Variants in SCD5 observed in about 807,000 individuals in gnomAD.
The protein encoded by SCD5 is stearoyl-CoA desaturase 5.
Under a neutral mutation model 30.4 loss-of-function variants are expected in SCD5, and 20 were observed. The ratio of observed to expected loss-of-function variants is 0.66; its 90% confidence interval spans 0.46 to 0.96. The LOEUF is 0.96. Among genes scored for constraint, SCD5 ranks in the 40% least tolerant of loss-of-function variants. The pLI is 0.00. For missense variants in SCD5, 381 were observed against 443.3 expected, an observed-to-expected ratio of 0.86 and a Z score of 1.26; for synonymous variants, 173 against 176.4, an observed-to-expected ratio of 0.98 and a Z score of 0.16.
intron 1 of SCD5, among the ~76,000 whole-genome samples, chr4:82,744,120 C>A (rs1055951225): frequency 3.9e-5 from 6 of 152,174 alleles, no homozygotes; most frequent in African/African-American, 1.4e-4. Context: ...GCCATGGCGC[C>A]TGGCTGAAAA....
chr4:82,798,575 G>A lies in SCD5; in HGVS notation c.-38C>T, dbSNP rs1339475989. ...TGGGCGCCCGCAGCAGCGGCAGGCA[G>A]GCAGGCGCTCTGCCCGAGCGGAGCT... is the stretch of plus-strand genomic sequence containing the variant. On this transcript the variant is annotated 5_prime_UTR_variant, in exon 1 of 5. Coordinates refer to ENST00000319540, the MANE Select transcript of SCD5 (RefSeq NM_001037582.3). 1.3e-6 allele frequency: 2 copies of A among 1,523,216 alleles called. No homozygotes were observed. The highest frequency in any genetic ancestry group is 1.3e-5 in the South Asian group (1 of 79,908). The allele number at this position is 1,523,216 out of a possible 1,614,324, so 94.4% of individuals were successfully genotyped here. A position where few individuals can be genotyped will look rare whatever the true frequency, so the allele number is the denominator to read the frequency against.
chr4:82,657,776 G>A (rs921438401), intron 3 of SCD5, among the ~76,000 whole-genome samples: 3 of 152,086 alleles, frequency 2.0e-5, no homozygotes, highest in African/African-American at 7.2e-5. Context: ...TTATTTCCTT[G>A]AACAGTGGTT....
At chr4:82,798,131 C>G (rs898888289) in intron 1 of SCD5, among the ~76,000 whole-genome samples, 175 bp downstream of exon 1, 3 of 151,426 alleles carry the variant, frequency 2.0e-5, no homozygotes, top group Admixed American at 6.6e-5. Flanking sequence ...AACACCTGCC[C>G]GTCCCAAGGG....
intron 1 of SCD5, among the ~76,000 whole-genome samples, chr4:82,768,287 G>C (rs1268582439): frequency 6.6e-6 from 1 of 152,128 alleles, no homozygotes; most frequent in African/African-American, 2.4e-5. Flanking sequence ...AAGTCTGTTT[G>C]GCACTAAACC....
intron 3 of SCD5, among the ~76,000 whole-genome samples, chr4:82,676,603 G>A (rs920643357): frequency 6.6e-6 from 1 of 152,228 alleles, no homozygotes; most frequent in Non-Finnish European, 1.5e-5. Flanking sequence ...ACTGCTATAG[G>A]CTCTAGAAGA....
chr4:82,734,717 C>CT (rs555114086), intron 1 of SCD5, among the ~76,000 whole-genome samples: 47 of 149,530 alleles, frequency 3.1e-4, no homozygotes, highest in East Asian at 3.1e-3. Flanking sequence ...GTTGCTTGGG[C>CT]TTTTTTTTTA....
intron 1 of SCD5, among the ~76,000 whole-genome samples, chr4:82,783,391 A>G (rs1401927802): frequency 6.6e-6 from 1 of 152,156 alleles, no homozygotes; most frequent in Non-Finnish European, 1.5e-5. Context: ...CCAAAGGGGG[A>G]AAAAAATAGC....
chr4:82,685,211 AG>A (rs1728675196), intron 2 of SCD5, among the ~76,000 whole-genome samples: 1 of 152,180 alleles, frequency 6.6e-6, no homozygotes, highest in Non-Finnish European at 1.5e-5. Flanking sequence ...TAGGTGGGCG[AG>A]CGAGAGAGGA....
intron 1 of SCD5, among the ~76,000 whole-genome samples, chr4:82,734,676 A>G (rs1720709853): frequency 6.6e-6 from 1 of 152,190 alleles, no homozygotes; most frequent in South Asian, 2.1e-4. Flanking sequence ...TCATCCTGCC[A>G]TGTAACAAAT....
chr4:82,715,292 G>A (rs1027219873), intron 1 of SCD5, among the ~76,000 whole-genome samples: 31 of 151,470 alleles, frequency 2.0e-4, no homozygotes, highest in Non-Finnish European at 3.7e-4. Flanking sequence ...GAAGGCTGTG[G>A]AAGATGAGTG....
At chr4:82,771,216 G>A (rs1721613937) in intron 1 of SCD5, among the ~76,000 whole-genome samples, 2 of 152,258 alleles carry the variant, frequency 1.3e-5, no homozygotes, top group Admixed American at 1.3e-4. Flanking sequence ...CAATCCTCCT[G>A]CCTCAGCCTC....
intron 3 of SCD5, among the ~76,000 whole-genome samples, chr4:82,669,908 C>T (rs1213831314): frequency 2.0e-5 from 3 of 152,050 alleles, no homozygotes; most frequent in African/African-American, 7.2e-5. Context: ...CATCTTGTTC[C>T]ACCTAAATGA....
At chr4:82,737,810 A>G (rs1226567024) in intron 1 of SCD5, among the ~76,000 whole-genome samples, 1 of 152,232 alleles carries the variant, frequency 6.6e-6, no homozygotes, top group Admixed American at 6.5e-5. Flanking sequence ...AAAAGAGAAG[A>G]AACCAAAGTC....
At chr4:82,765,902 G>A (rs970425520) in intron 1 of SCD5, among the ~76,000 whole-genome samples, 22 of 152,312 alleles carry the variant, frequency 1.4e-4, no homozygotes, top group African/African-American at 4.3e-4. Context: ...TTACAGGGAT[G>A]AGCCACTGTG....
chr4:82,695,135 G>A (rs565135804), intron 2 of SCD5, among the ~76,000 whole-genome samples: 1 of 152,222 alleles, frequency 6.6e-6, no homozygotes, highest in African/African-American at 2.4e-5. Context: ...TTACACTGAA[G>A]TACACCAACT....
chr4:82,653,084 G>A (rs889185953), intron 3 of SCD5, among the ~76,000 whole-genome samples: 1 of 152,130 alleles, frequency 6.6e-6, no homozygotes, highest in African/African-American at 2.4e-5. Flanking sequence ...AGCCTGGGAG[G>A]TGGAGGCTCC....
chr4:82,696,576 C>T (rs1459276061), intron 2 of SCD5, among the ~76,000 whole-genome samples: 1 of 152,114 alleles, frequency 6.6e-6, no homozygotes, highest in Non-Finnish European at 1.5e-5. Context: ...GTGCTGCAGA[C>T]ATCATTGAGG....
chr4:82,750,351 C>A lies in SCD5; in HGVS notation c.233-44938G>T, dbSNP rs149485005. 3.8e-3 allele frequency among the ~76,000 whole-genome samples: 581 copies of A among 152,272 alleles called. 4 individuals are homozygous for A. Among genetic ancestry groups the A allele is most frequent in the African/African-American group, 0.013 (553 of 41,548 alleles). On this transcript the variant is annotated intron_variant, in intron 1 of 4. Transcript: ENST00000319540. ...ACAAGGAGGAGCTACCTACACCCTGCAGGAGTAACACAGGACCAAACACTA... is the reference window on the plus strand; with the variant it reads ...ACAAGGAGGAGCTACCTACACCCTGAAGGAGTAACACAGGACCAAACACTA...
At chr4:82,781,457 A>G (rs2148851429) in intron 1 of SCD5, among the ~76,000 whole-genome samples, 1 of 152,168 alleles carries the variant, frequency 6.6e-6, no homozygotes, top group Middle Eastern at 3.4e-3. Flanking sequence ...TGGAAAGTAC[A>G]TCTCCTTTCC....
Sources: gnomAD v4.1 joint callset for allele counts (sites outside exome capture counted in the v4.1 genomes callset) on GRCh38, gnomAD v4.1.1 for gene constraint, MANE v1.5 for transcripts, NCBI Gene and HGNC (gene_info 2026-07-23, HGNC 2026-07-21) for gene names.